The following LHFPL3 variants were observed in gnomAD, a reference collection of about 807,000 sequenced individuals.
LHFPL3 encodes the protein LHFPL tetraspan subfamily member 3, also known as LHFPL tetraspan subfamily member 3 protein.
A neutral mutation model predicts 19.3 loss-of-function variants in LHFPL3; 5 were observed. The ratio of observed to expected loss-of-function variants is 0.26; its 90% CI spans 0.14 to 0.54. The LOEUF (loss-of-function observed/expected upper bound fraction) is 0.54, where lower values mean the gene tolerates loss of function less well. Among genes scored for constraint, LHFPL3 ranks in the 20% least tolerant of loss-of-function variants. LHFPL3 has a pLI of 0.94. For synonymous variants in LHFPL3, 133 were observed against 126.2 expected (o/e 1.05, Z -0.36); for missense variants, 249 against 307.4 (o/e 0.81, Z 1.42).
chr7:104,895,179 T>C (rs560301113), intron 2 of LHFPL3: 4 of 152,204 alleles, frequency 2.6e-5, no homozygotes, highest in Non-Finnish European at 4.4e-5. Context: ...GAATTAGCCA[T>C]GTGTATATCC....
chr7:104,879,141 C>A (rs144823362), intron 2 of LHFPL3, among the ~76,000 whole-genome samples: 84 of 152,196 alleles, frequency 5.5e-4, no homozygotes, highest in African/African-American at 1.9e-3. Context: ...TAGGGGCTGG[C>A]CATGGTGGCT....
chr7:104,641,870 C>A (rs1263540033), intron 1 of LHFPL3, among the ~76,000 whole-genome samples: 2 of 151,922 alleles, frequency 1.3e-5, no homozygotes, highest in East Asian at 3.9e-4. Context: ...TAGGTGATTA[C>A]CGAAGAAAAT....
intron 1 of LHFPL3, among the ~76,000 whole-genome samples, chr7:104,351,438 G>C (rs1276534008): frequency 1.3e-5 from 2 of 152,034 alleles, no homozygotes; most frequent in Non-Finnish European, 2.9e-5. Flanking sequence ...TGACTTCAAG[G>C]GATTGCAGGA....
chr7:104,882,021 G>T (rs925296417), intron 2 of LHFPL3, among the ~76,000 whole-genome samples: 20 of 152,178 alleles, frequency 1.3e-4, no homozygotes, highest in Admixed American at 2.0e-4. Context: ...TTTGCACTGG[G>T]AAACGAAAAC....
At chr7:104,741,013 C>T (rs1399413316) in intron 2 of LHFPL3, among the ~76,000 whole-genome samples, 2 of 152,156 alleles carry the variant, frequency 1.3e-5, no homozygotes, top group Non-Finnish European at 2.9e-5. Context: ...GCTCTACTCA[C>T]AGAGTCTTTA....
At chr7:104,534,178 C>T (rs1240936004) in intron 1 of LHFPL3, among the ~76,000 whole-genome samples, 3 of 152,198 alleles carry the variant, frequency 2.0e-5, no homozygotes, top group Admixed American at 1.3e-4. Context: ...TTCTATAACA[C>T]AGTGTGGGTC....
intron 1 of LHFPL3, among the ~76,000 whole-genome samples, chr7:104,615,124 C>T (rs528921306): frequency 5.3e-5 from 8 of 152,260 alleles, no homozygotes; most frequent in South Asian, 2.1e-4. Flanking sequence ...AAAGTCTATA[C>T]ACAAAATGTA....
intron 1 of LHFPL3, among the ~76,000 whole-genome samples, chr7:104,652,094 G>A (rs1313804527): frequency 1.3e-5 from 2 of 152,192 alleles, no homozygotes; most frequent in African/African-American, 4.8e-5. Flanking sequence ...TTTTAACTGA[G>A]AAGGGAAGTA....
intron 1 of LHFPL3, among the ~76,000 whole-genome samples, chr7:104,627,032 T>C (rs1240281974): frequency 6.6e-6 from 1 of 152,196 alleles, no homozygotes; most frequent in Admixed American, 6.5e-5. Flanking sequence ...ATATAATACG[T>C]TATTATTAAC....
intron 1 of LHFPL3, among the ~76,000 whole-genome samples, chr7:104,438,818 TAAA>T (rs138507751): frequency 2.6e-5 from 4 of 151,658 alleles, no homozygotes; most frequent in African/African-American, 9.7e-5. Flanking sequence ...GTTGATTTTT[TAAA>T]AAAACAACAA....
At chr7:104,723,124 C>A (rs1793518610) in intron 1 of LHFPL3, among the ~76,000 whole-genome samples, 1 of 152,160 alleles carries the variant, frequency 6.6e-6, no homozygotes, top group African/African-American at 2.4e-5. Context: ...ATAGAGGTTA[C>A]ATTCAGCTCT....
intron 1 of LHFPL3, among the ~76,000 whole-genome samples, chr7:104,462,072 T>A (rs566786571): frequency 3.9e-5 from 6 of 152,356 alleles, no homozygotes; most frequent in African/African-American, 1.4e-4. Context: ...AGAATGCTAC[T>A]GAATTTTGTA....
At chr7:104,845,660 C>T (rs575364594) in intron 2 of LHFPL3, among the ~76,000 whole-genome samples, 3 of 152,382 alleles carry the variant, frequency 2.0e-5, no homozygotes, top group African/African-American at 7.2e-5. Context: ...TGGCACCTCC[C>T]TGGGAAGGAG....
In LHFPL3 at chr7:104,775,990, A is replaced by T. The variant is rs1794630092; in HGVS notation, c.682+39079A>T. 2.0e-5 allele frequency among the ~76,000 whole-genome samples: 3 copies of T among 152,222 alleles called. No individual in the cohort carries two copies. In the South Asian group the frequency reaches 6.2e-4, roughly 32 times the overall value. On this transcript the variant is annotated intron_variant, in intron 2 of 2. Coordinates refer to ENST00000424859, the MANE Select transcript of LHFPL3 (RefSeq NM_199000.3). ...TGGAATGCATTGTTTAAAAGGAAAG[A>T]AGCTAATTCCAAACATATCCTATCT...
At chr7:104,853,363 G>A (rs2116619962) in intron 2 of LHFPL3, among the ~76,000 whole-genome samples, 1 of 152,258 alleles carries the variant, frequency 6.6e-6, no homozygotes, top group East Asian at 1.9e-4. Flanking sequence ...CATGCCAGAG[G>A]GAGTGCTTTC....
chr7:104,373,437 A>T (rs1790650236), intron 1 of LHFPL3, among the ~76,000 whole-genome samples: 1 of 152,132 alleles, frequency 6.6e-6, no homozygotes, highest in Non-Finnish European at 1.5e-5. Flanking sequence ...CTTTCTACTT[A>T]TTGATGGTCA....
intron 1 of LHFPL3, among the ~76,000 whole-genome samples, chr7:104,623,268 G>A (rs187266730): frequency 2.6e-5 from 4 of 151,286 alleles, no homozygotes; most frequent in African/African-American, 4.9e-5. Context: ...TTCAATCTGG[G>A]CTATGTACCA....
chr7:104,716,406 T>C (rs918753850), intron 1 of LHFPL3, among the ~76,000 whole-genome samples: 9 of 150,968 alleles, frequency 6.0e-5, no homozygotes, highest in African/African-American at 2.2e-4. Flanking sequence ...GCAGTTGACA[T>C]GATGTTATAT....
chr7:104,888,289 G>A (rs1226353593), intron 2 of LHFPL3, among the ~76,000 whole-genome samples: 1 of 152,190 alleles, frequency 6.6e-6, no homozygotes, highest in East Asian at 1.9e-4. Context: ...CAGTGCTTTG[G>A]GAGGCTGAGG....
Sources: allele counts gnomAD v4.1 joint callset (sites outside exome capture counted in the v4.1 genomes callset), GRCh38; gene constraint gnomAD v4.1.1; transcripts MANE v1.5; gene names NCBI Gene and HGNC (gene_info 2026-07-23, HGNC 2026-07-21).